Variants in AKAP6 observed in about 807,000 individuals in gnomAD.
AKAP6 encodes A-kinase anchor protein 6.
AKAP6 carries 58 observed loss-of-function variants against 188.5 expected under a neutral mutation model. The ratio of observed to expected loss-of-function variants is 0.31; its 90% CI spans 0.25 to 0.38. The LOEUF (loss-of-function observed/expected upper bound fraction) is 0.38, where lower values mean the gene tolerates loss of function less well. Among genes scored for constraint, AKAP6 ranks in the 10% least tolerant of loss-of-function variants. The pLI, the probability that AKAP6 is intolerant of heterozygous loss-of-function variation, is 1.00. For synonymous variants in AKAP6, 989 were observed against 998.6 expected (o/e 0.99, Z 0.18); for missense variants, 2,710 against 2,740.0 (o/e 0.99, Z 0.24).
At chr14:32,724,339 T>C (rs1955498) in intron 9 of AKAP6, among the ~76,000 whole-genome samples, 150,334 of 152,190 alleles carry the variant, frequency 0.99, 74,276 homozygotes, top group Middle Eastern at 1. Context: ...TCAACAGGTA[T>C]TCAGTAAAAC....
intron 2 of AKAP6, among the ~76,000 whole-genome samples, chr14:32,478,339 A>G (rs1475286767): frequency 6.6e-6 from 1 of 152,234 alleles, no homozygotes; most frequent in East Asian, 1.9e-4. Context: ...AATAGATGTC[A>G]GGGAAATGCG....
chr14:32,555,516 T>C (rs371638677), intron 4 of AKAP6, among the ~76,000 whole-genome samples: 1 of 152,202 alleles, frequency 6.6e-6, no homozygotes, highest in East Asian at 1.9e-4. Context: ...TTTAAGAATA[T>C]TTGCATGGTT....
intron 1 of AKAP6, among the ~76,000 whole-genome samples, chr14:32,407,457 CA>C (rs1171379990): frequency 1.3e-5 from 2 of 152,178 alleles, no homozygotes; most frequent in African/African-American, 4.8e-5. Flanking sequence ...CTCCACAGAG[CA>C]ATGAGTGTGA....
chr14:32,381,062 C>T (rs1594560401), intron 1 of AKAP6, among the ~76,000 whole-genome samples: 1 of 152,070 alleles, frequency 6.6e-6, no homozygotes, highest in Non-Finnish European at 1.5e-5. Flanking sequence ...ATCGGCTGGG[C>T]ATGGTAGCTC....
chr14:32,619,571 A>G (rs1435745852), intron 7 of AKAP6, among the ~76,000 whole-genome samples: 5 of 152,136 alleles, frequency 3.3e-5, no homozygotes, highest in Non-Finnish European at 5.9e-5. Context: ...TTTGTTTACT[A>G]TAGCCTTGTA....
chr14:32,360,712 AGTGTGTGT>A (rs35969035), intron 1 of AKAP6, among the ~76,000 whole-genome samples: 2,956 of 136,110 alleles, frequency 0.022, 96 homozygotes, highest in African/African-American at 0.077. Context: ...TTGGCCATTG[AGTGTGTGT>A]GTGTGTGTGT....
At chr14:32,677,319 C>T (rs968201832) in intron 7 of AKAP6, among the ~76,000 whole-genome samples, 1 of 152,154 alleles carries the variant, frequency 6.6e-6, no homozygotes, top group Non-Finnish European at 1.5e-5. Context: ...TTTCTTCTTA[C>T]GTGTTATGGA....
chr14:32,434,209 G>A (rs993965276), intron 2 of AKAP6, among the ~76,000 whole-genome samples: 12 of 152,200 alleles, frequency 7.9e-5, no homozygotes, highest in Non-Finnish European at 1.8e-4. Flanking sequence ...GTTATCTTCA[G>A]TTGAAGCTGA....
At position 32,580,210 on chromosome 14, in the gene AKAP6, AAC is replaced by A. The variant is rs759875224; in HGVS notation, c.2469+2971_2469+2972del. On this transcript the variant is annotated intron_variant, in intron 5 of 13. Coordinates refer to ENST00000280979, the MANE Select transcript of AKAP6 (RefSeq NM_004274.5). ...GAGGAGCTTTATTTTAACTGTAAGA[AAC>A]ACTGTGAAATTGCAATGATACATCA... is the stretch of plus-strand genomic sequence containing the variant. Among the ~76,000 whole-genome samples, 14 of 152,140 alleles carry A rather than the reference AAC, an allele frequency of 9.2e-5. 1 individual carries two copies. Among genetic ancestry groups the A allele is most frequent in the Non-Finnish European group, 2.1e-4 (14 of 68,006 alleles).
chr14:32,583,444 G>C (rs1433337521), intron 5 of AKAP6, among the ~76,000 whole-genome samples: 1 of 152,198 alleles, frequency 6.6e-6, no homozygotes, highest in Non-Finnish European at 1.5e-5. Flanking sequence ...TCAGGGGTCA[G>C]GGACCCATTT....
chr14:32,788,012 G>T (rs1216746885), intron 12 of AKAP6, among the ~76,000 whole-genome samples: 1 of 123,580 alleles, frequency 8.1e-6, no homozygotes, highest in African/African-American at 3.2e-5. Flanking sequence ...CTTCATTCTA[G>T]CCTGGGCAAC....
chr14:32,526,720 G>A (rs1432497715), intron 2 of AKAP6, among the ~76,000 whole-genome samples: 1 of 152,188 alleles, frequency 6.6e-6, no homozygotes, highest in Non-Finnish European at 1.5e-5. Flanking sequence ...AAGAAACTAG[G>A]CTTATTAGAA....
intron 10 of AKAP6, chr14:32,734,053 C>T (rs1393178655): frequency 6.6e-6 from 1 of 151,976 alleles, no homozygotes; most frequent in East Asian, 1.9e-4. Flanking sequence ...TTTAGCTATC[C>T]TTTATGAATC....
chr14:32,793,792 AT>A (rs2033681433), intron 12 of AKAP6, among the ~76,000 whole-genome samples: 1 of 152,090 alleles, frequency 6.6e-6, no homozygotes, highest in African/African-American at 2.4e-5. Context: ...CTTCAATTCA[AT>A]AAAACTGACT....
At chr14:32,698,619 C>T (rs901280427) in intron 9 of AKAP6, among the ~76,000 whole-genome samples, 3 of 152,058 alleles carry the variant, frequency 2.0e-5, no homozygotes, top group South Asian at 2.1e-4. Context: ...GACAACTCAA[C>T]GAGACCTCCC....
At chr14:32,392,420 T>C (rs887194388) in intron 1 of AKAP6, among the ~76,000 whole-genome samples, 5 of 152,166 alleles carry the variant, frequency 3.3e-5, no homozygotes, top group Non-Finnish European at 5.9e-5. Flanking sequence ...TTCTAATATA[T>C]ACACACAAAT....
chr14:32,536,620 G>A (rs1253229815), intron 3 of AKAP6, among the ~76,000 whole-genome samples: 3 of 152,056 alleles, frequency 2.0e-5, no homozygotes, highest in Non-Finnish European at 4.4e-5. Context: ...TAGATACAGT[G>A]AATCAAATGG....
chr14:32,749,921 G>T (rs192334802), intron 11 of AKAP6, among the ~76,000 whole-genome samples: 2 of 152,048 alleles, frequency 1.3e-5, no homozygotes, highest in East Asian at 3.8e-4. Context: ...CTGTCCTTTT[G>T]GTATCAGTTT....
At chr14:32,761,206 A>T (rs192944679) in intron 11 of AKAP6, among the ~76,000 whole-genome samples, 1 of 152,214 alleles carries the variant, frequency 6.6e-6, no homozygotes, top group East Asian at 1.9e-4. Context: ...TCTAATGTTG[A>T]CTTTTTCTCT....
Sources: allele counts gnomAD v4.1 joint callset (sites outside exome capture counted in the v4.1 genomes callset), GRCh38; gene constraint gnomAD v4.1.1; transcripts MANE v1.5; gene names NCBI Gene and HGNC (gene_info 2026-07-23, HGNC 2026-07-21).